Variants in SLC25A26 observed in about 807,000 individuals in gnomAD.
SLC25A26 encodes mitochondrial S-adenosylmethionine carrier protein.
In SLC25A26, 36 loss-of-function variants were observed where a neutral mutation model predicts 37.8. That is an observed-to-expected ratio of 0.95 (90% CI 0.73 to 1.26). The LOEUF is 1.26. Among genes scored for constraint, SLC25A26 ranks in the 50% most tolerant of loss-of-function variants. The pLI, the probability that SLC25A26 is intolerant of heterozygous loss-of-function variation, is 0.00. For synonymous variants in SLC25A26, 129 were observed against 122.5 expected (o/e 1.05, Z -0.35); for missense variants, 390 against 331.1 (o/e 1.18, Z -1.38).
intron 3 of SLC25A26, among the ~76,000 whole-genome samples, chr3:66,254,777 T>C (rs74374885): frequency 0.043 from 6,537 of 152,368 alleles, 465 homozygotes; most frequent in African/African-American, 0.15. Flanking sequence ...ATAATTAGCT[T>C]CTAATATCAG....
chr3:66,307,792 C>G (rs1255972237), intron 5 of SLC25A26, among the ~76,000 whole-genome samples: 1 of 152,132 alleles, frequency 6.6e-6, no homozygotes, highest in Non-Finnish European at 1.5e-5. Flanking sequence ...TCAGGTTTGT[C>G]AAAGAGCAGA....
chr3:66,182,614 C>T (rs750987338), intron 1 of SLC25A26, among the ~76,000 whole-genome samples: 22 of 151,128 alleles, frequency 1.5e-4, no homozygotes, highest in Non-Finnish European at 1.6e-4. Context: ...CCTAACTCCC[C>T]TATTTTACAG....
chr3:66,175,761 T>C (rs2070576493), intron 1 of SLC25A26, among the ~76,000 whole-genome samples: 1 of 152,238 alleles, frequency 6.6e-6, no homozygotes, highest in Non-Finnish European at 1.5e-5. Flanking sequence ...TCTCTTACTC[T>C]AGGGAGGGCT....
At chr3:66,334,626 G>A (rs1278122761) in intron 5 of SLC25A26, among the ~76,000 whole-genome samples, 2 of 152,140 alleles carry the variant, frequency 1.3e-5, no homozygotes, top group Non-Finnish European at 2.9e-5. Flanking sequence ...CTGAGTGGAA[G>A]CTTTAGGAGG....
chr3:66,335,524 A>G (rs2076074806), intron 5 of SLC25A26, among the ~76,000 whole-genome samples: 2 of 152,268 alleles, frequency 1.3e-5, no homozygotes, highest in African/African-American at 4.8e-5. Flanking sequence ...GAGTAGAAAC[A>G]GTAATATTAT....
chr3:66,357,579 G>C (rs895000113), intron 6 of SLC25A26, among the ~76,000 whole-genome samples: 3 of 151,604 alleles, frequency 2.0e-5, no homozygotes, highest in African/African-American at 7.3e-5. Context: ...CTTCACATTC[G>C]GGCCCCTTAA....
chr3:66,360,187 C>G (rs1575608017), intron 6 of SLC25A26, among the ~76,000 whole-genome samples: 1 of 152,150 alleles, frequency 6.6e-6, no homozygotes, highest in Non-Finnish European at 1.5e-5. Context: ...GAGAAGCATT[C>G]AGAGTAGGAA....
intron 5 of SLC25A26, among the ~76,000 whole-genome samples, chr3:66,336,272 C>G (rs1177176792): frequency 6.6e-6 from 1 of 152,066 alleles, no homozygotes; most frequent in Non-Finnish European, 1.5e-5. Flanking sequence ...AAAATAAAAT[C>G]TACCTTTTAT....
At chr3:66,170,202 G>A (rs1322243665) in intron 1 of SLC25A26, among the ~76,000 whole-genome samples, 1 of 152,172 alleles carries the variant, frequency 6.6e-6, no homozygotes, top group Non-Finnish European at 1.5e-5. Context: ...TGTAAGATAT[G>A]CAAAAATGGA....
At position 66,371,203 on chromosome 3, in the gene SLC25A26, G is replaced by T. The variant is rs1271176098; in HGVS notation, c.707+601G>T. 2.7e-6 allele frequency: 4 copies of T among 1,507,254 alleles called. No individual in the cohort carries two copies. The South Asian group carries it at 3.8e-5, about 14-fold the overall frequency. 93.4% of individuals were successfully genotyped at this position (1,507,254 alleles called of 1,614,324 possible). A position where few individuals can be genotyped will look rare whatever the true frequency, so the allele number is the denominator to read the frequency against. On this transcript the variant is annotated intron_variant, in intron 9 of 9. Transcript: ENST00000354883. Reference sequence around the variant, plus strand: ...GTGAAATGATGATTTTTCTCTTAGGGACCATATACCAGGGATTTTCTTGCA... The same window carrying T: ...GTGAAATGATGATTTTTCTCTTAGGTACCATATACCAGGGATTTTCTTGCA...
rs1482297520 is a variant in SLC25A26 at position 66,170,788 on chromosome 3, ATTGTT to A, written c.-354+36807_-354+36811del. On this transcript the variant is annotated intron_variant, in intron 1 of 10. Transcript: ENST00000676754. ...CAGCAAACATTTAATAGATGTGATT[ATTGTT>A]TTTTTTTTTTTTTTTTTTTTTTTTT... Among the ~76,000 whole-genome samples, 546 of 56,402 alleles carry A rather than the reference ATTGTT, an allele frequency of 9.7e-3. 4 individuals carry two copies. Among genetic ancestry groups the A allele is most frequent in the Non-Finnish European group, 0.016 (445 of 27,976 alleles). 37.0% of individuals were successfully genotyped at this position (56,402 alleles called of 152,430 possible).
chr3:66,302,664 A>G (rs2075109750), intron 5 of SLC25A26, among the ~76,000 whole-genome samples: 2 of 152,236 alleles, frequency 1.3e-5, no homozygotes, highest in Admixed American at 6.5e-5. Flanking sequence ...GTTAAAATCA[A>G]GTATGCATAA....
At chr3:66,373,704 T>C (rs1700480265) in intron 9 of SLC25A26, among the ~76,000 whole-genome samples, 1 of 152,020 alleles carries the variant, frequency 6.6e-6, no homozygotes, top group Admixed American at 6.6e-5. Context: ...GCAAGTGTAG[T>C]TTGGTTTTCA....
chr3:66,254,525 A>G (rs2073225669), intron 3 of SLC25A26, among the ~76,000 whole-genome samples: 1 of 152,222 alleles, frequency 6.6e-6, no homozygotes, highest in Non-Finnish European at 1.5e-5. Flanking sequence ...TGTTCAGTGT[A>G]TTGTTAAATT....
chr3:66,197,016 T>C (rs2071053139), intron 1 of SLC25A26, among the ~76,000 whole-genome samples: 1 of 152,138 alleles, frequency 6.6e-6, no homozygotes. Context: ...TTATATGTGG[T>C]CTTTTGTATA....
intron 5 of SLC25A26, among the ~76,000 whole-genome samples, chr3:66,330,050 C>G (rs957641661): frequency 6.6e-6 from 1 of 152,126 alleles, no homozygotes; most frequent in African/African-American, 2.4e-5. Context: ...TACTGTCACC[C>G]CATCCTTACC....
At chr3:66,185,122 T>C (rs1403104782) in intron 1 of SLC25A26, among the ~76,000 whole-genome samples, 1 of 152,196 alleles carries the variant, frequency 6.6e-6, no homozygotes, top group Admixed American at 6.5e-5. Flanking sequence ...CCCTCTTTTT[T>C]CCTTTCCCAG....
chr3:66,163,256 G>A (rs2070384143), intron 1 of SLC25A26, among the ~76,000 whole-genome samples: 1 of 152,228 alleles, frequency 6.6e-6, no homozygotes, highest in Non-Finnish European at 1.5e-5. Context: ...CAATCTGTCA[G>A]GGGCCAGCAT....
intron 1 of SLC25A26, among the ~76,000 whole-genome samples, chr3:66,192,852 T>C (rs1381885611): frequency 1.3e-5 from 2 of 152,346 alleles, no homozygotes; most frequent in African/African-American, 2.4e-5. Context: ...TTGTGTATAT[T>C]TGCCTTCTCA....
Sources: gnomAD v4.1 joint callset for allele counts (sites outside exome capture counted in the v4.1 genomes callset) on GRCh38, gnomAD v4.1.1 for gene constraint, MANE v1.5 for transcripts, NCBI Gene and HGNC (gene_info 2026-07-23, HGNC 2026-07-21) for gene names.